GPATCH2: variants seen among roughly 807,000 people sequenced by gnomAD.
The protein encoded by GPATCH2 is G-patch domain containing 2.
GPATCH2 carries 51 observed loss-of-function variants against 58.0 expected under a neutral mutation model. That is an observed-to-expected ratio of 0.88 (90% CI 0.70 to 1.11). The LOEUF is 1.11. Among genes scored for constraint, GPATCH2 ranks in the 50% most tolerant of loss-of-function variants. GPATCH2 has a pLI of 0.00. For synonymous variants in GPATCH2, 222 were observed against 218.5 expected (o/e 1.02, Z -0.14); for missense variants, 625 against 652.2 (o/e 0.96, Z 0.45).
intron 9 of GPATCH2, among the ~76,000 whole-genome samples, chr1:217,447,073 T>A (rs1659425905): frequency 6.6e-6 from 1 of 152,172 alleles, no homozygotes; most frequent in South Asian, 2.1e-4. Flanking sequence ...TCAGGGACCA[T>A]TCAACTGGAA....
intron 5 of GPATCH2, among the ~76,000 whole-genome samples, chr1:217,524,067 A>T (rs1448636851): frequency 7.5e-6 from 1 of 133,410 alleles, no homozygotes; most frequent in Non-Finnish European, 1.6e-5. Flanking sequence ...GCGGCTGGCC[A>T]GGCGGGGGGC....
chr1:217,486,621 C>G (rs1162412837), intron 8 of GPATCH2, among the ~76,000 whole-genome samples: 1 of 152,204 alleles, frequency 6.6e-6, no homozygotes, highest in Non-Finnish European at 1.5e-5. Context: ...GTGTGAGCTA[C>G]TCTGCCTGGC....
chr1:217,484,996 A>G (rs1486865484), intron 8 of GPATCH2, among the ~76,000 whole-genome samples: 3 of 152,158 alleles, frequency 2.0e-5, no homozygotes, highest in African/African-American at 4.8e-5. Flanking sequence ...ACACATAAAT[A>G]TATTTACTAT....
chr1:217,517,747 A>C (rs1663239543), intron 5 of GPATCH2, among the ~76,000 whole-genome samples: 1 of 152,142 alleles, frequency 6.6e-6, no homozygotes, highest in Non-Finnish European at 1.5e-5. Context: ...ACACATGCTA[A>C]TTTTAGTGAT....
chr1:217,567,840 G>C (rs1457439090), intron 5 of GPATCH2, among the ~76,000 whole-genome samples: 1 of 152,198 alleles, frequency 6.6e-6, no homozygotes, highest in Non-Finnish European at 1.5e-5. Context: ...TTTATGGCCA[G>C]GCGTGGTGGC....
At chr1:217,449,474 T>G in intron 8 of GPATCH2, 137 bp from the exon 9 acceptor site, 2 of 617,544 alleles carry the variant, frequency 3.2e-6, no homozygotes, top group South Asian at 4.0e-5. Flanking sequence ...CAATCTTGTT[T>G]ATATCGAAAC....
At chr1:217,444,039 T>TG (rs1558395659) in intron 9 of GPATCH2, among the ~76,000 whole-genome samples, 4 of 152,204 alleles carry the variant, frequency 2.6e-5, no homozygotes, top group Admixed American at 2.0e-4. Context: ...AGAGTGGCTT[T>TG]GAATGTGCTT....
chr1:217,605,065 G>A (rs976040133), intron 5 of GPATCH2, among the ~76,000 whole-genome samples: 2 of 152,062 alleles, frequency 1.3e-5, no homozygotes, highest in African/African-American at 4.8e-5. Flanking sequence ...CCCTTCTGCT[G>A]TAAAAGGCTA....
At chr1:217,601,196 A>C (rs1668092168) in intron 5 of GPATCH2, among the ~76,000 whole-genome samples, 1 of 152,168 alleles carries the variant, frequency 6.6e-6, no homozygotes, top group Non-Finnish European at 1.5e-5. Flanking sequence ...CAGGACATAC[A>C]TTATGATGAA....
At chr1:217,497,326 A>T (rs1662060372) in intron 7 of GPATCH2, among the ~76,000 whole-genome samples, 3 of 152,208 alleles carry the variant, frequency 2.0e-5, no homozygotes, top group Non-Finnish European at 2.9e-5. Flanking sequence ...TTCTGAATTC[A>T]TAGAAATAGT....
chr1:217,597,572 T>C (rs1457762163), intron 5 of GPATCH2, among the ~76,000 whole-genome samples: 2 of 152,116 alleles, frequency 1.3e-5, no homozygotes, highest in Non-Finnish European at 2.9e-5. Context: ...CCAGATCCCA[T>C]TTCTCAGCCC....
intron 6 of GPATCH2, among the ~76,000 whole-genome samples, chr1:217,499,026 C>G (rs550759378): frequency 6.6e-6 from 1 of 152,212 alleles, no homozygotes; most frequent in Admixed American, 6.5e-5. Context: ...CTTCAGCTGC[C>G]CCTGGGACTC....
intron 6 of GPATCH2, 151 bp downstream of exon 6, chr1:217,514,671 A>C (rs1181362990): frequency 2.2e-6 from 1 of 457,284 alleles, no homozygotes; most frequent in Non-Finnish European, 4.0e-6. Flanking sequence ...TTTTCGTTTA[A>C]GTTGTTCTTA....
At chr1:217,577,689 T>G (rs187922083) in intron 5 of GPATCH2, among the ~76,000 whole-genome samples, 191 of 152,200 alleles carry the variant, frequency 1.3e-3, no homozygotes, top group African/African-American at 4.3e-3. Flanking sequence ...ATAAAAGTAT[T>G]GGTTATCAAT....
chr1:217,453,565 G>A (rs1659775790), intron 8 of GPATCH2, among the ~76,000 whole-genome samples: 2 of 152,134 alleles, frequency 1.3e-5, no homozygotes, highest in African/African-American at 4.8e-5. Context: ...ACTTCACTTG[G>A]TTTATTCCCA....
At chr1:217,590,466 T>C (rs767817257) in intron 5 of GPATCH2, among the ~76,000 whole-genome samples, 4 of 152,202 alleles carry the variant, frequency 2.6e-5, no homozygotes, top group Admixed American at 1.3e-4. Flanking sequence ...CACCTTAAGG[T>C]TGCATTAAGT....
chr1:217,583,389 G>A (rs1015931603), intron 5 of GPATCH2, among the ~76,000 whole-genome samples: 3 of 151,892 alleles, frequency 2.0e-5, no homozygotes, highest in Admixed American at 6.6e-5. Context: ...GGCAAACATG[G>A]TGAAACCCCG....
At chr1:217,623,181 T>A (rs1022652568) in intron 1 of GPATCH2, among the ~76,000 whole-genome samples, 5 of 152,140 alleles carry the variant, frequency 3.3e-5, no homozygotes, top group African/African-American at 1.2e-4. Flanking sequence ...GGTTCTGGAG[T>A]AACTTACTCT....
rs1350501089 is a variant in GPATCH2, at chr1:217,495,841, AG to A, written c.1206+2514del. On this transcript the variant is annotated intron_variant, in intron 7 of 9. Transcript: ENST00000366935. ...TGAGTAAGTTATTTAACAAATGTAT[AG>A]TAAAGGCACGATCACTATGTATAGT... Among the ~76,000 whole-genome samples, 3 of 152,236 alleles carry A rather than the reference AG, an allele frequency of 2.0e-5. No individual in the cohort carries two copies. The South Asian group carries it at 6.2e-4, about 31-fold the overall frequency.
Sources: gnomAD v4.1 joint callset for allele counts (sites outside exome capture counted in the v4.1 genomes callset) on GRCh38, gnomAD v4.1.1 for gene constraint, MANE v1.5 for transcripts, NCBI Gene and HGNC (gene_info 2026-07-23, HGNC 2026-07-21) for gene names.